Variants in MACROD2 observed in about 807,000 individuals in gnomAD.
MACROD2 encodes the protein mono-ADP ribosylhydrolase 2.
In MACROD2, 36 loss-of-function variants were observed where a neutral mutation model predicts 70.4. The ratio of observed to expected loss-of-function variants is 0.51; its 90% CI spans 0.39 to 0.68. The LOEUF is 0.68. Ranked by LOEUF, MACROD2 falls within the 30% of genes least tolerant of loss-of-function variation. The pLI, the probability that MACROD2 is intolerant of heterozygous loss-of-function variation, is 0.00. For synonymous variants in MACROD2, 172 were observed against 178.8 expected (o/e 0.96, Z 0.30); for missense variants, 496 against 538.4 (o/e 0.92, Z 0.78).
intron 3 of MACROD2, among the ~76,000 whole-genome samples, chr20:14,251,263 GA>G (rs1167438993): frequency 6.6e-6 from 1 of 151,962 alleles, no homozygotes; most frequent in Non-Finnish European, 1.5e-5. Context: ...TTTTCTCTTG[GA>G]AAACGTTCGA....
intron 4 of MACROD2, among the ~76,000 whole-genome samples, chr20:14,578,714 A>G (rs569441965): frequency 7.2e-5 from 11 of 152,306 alleles, no homozygotes; most frequent in African/African-American, 2.6e-4. Context: ...AGTTAGATTT[A>G]TTTTTTAAGT....
At chr20:14,807,173 G>A (rs1196682485) in intron 5 of MACROD2, among the ~76,000 whole-genome samples, 1 of 152,152 alleles carries the variant, frequency 6.6e-6, no homozygotes, top group East Asian at 1.9e-4. Flanking sequence ...GGGGTTGACA[G>A]ACACCTCACA....
chr20:14,904,094 A>C (rs1483780189), intron 5 of MACROD2, among the ~76,000 whole-genome samples: 3 of 152,170 alleles, frequency 2.0e-5, no homozygotes. Context: ...CTGTGATACC[A>C]TGTCTACATC....
intron 3 of MACROD2, among the ~76,000 whole-genome samples, chr20:14,213,929 G>A (rs2081592172): frequency 6.6e-6 from 1 of 152,084 alleles, no homozygotes; most frequent in Admixed American, 6.6e-5. Context: ...TGCATTTAAT[G>A]GGAATATGAT....
At chr20:14,008,329 C>T (rs1345614425) in intron 2 of MACROD2, among the ~76,000 whole-genome samples, 2 of 152,194 alleles carry the variant, frequency 1.3e-5, no homozygotes, top group South Asian at 2.1e-4. Context: ...ACACCAAAAA[C>T]AGGCAGGCCG....
chr20:14,529,362 C>CT (rs1335836467), intron 4 of MACROD2, among the ~76,000 whole-genome samples: 20 of 152,268 alleles, frequency 1.3e-4, no homozygotes, highest in African/African-American at 4.1e-4. Flanking sequence ...CCCTGCCACA[C>CT]TTAGTGTATT....
chr20:14,195,562 G>C (rs1160752195), intron 3 of MACROD2, among the ~76,000 whole-genome samples: 1 of 151,888 alleles, frequency 6.6e-6, no homozygotes, highest in East Asian at 1.9e-4. Context: ...CCCGCATCCT[G>C]TGCCTATAAA....
intron 8 of MACROD2, among the ~76,000 whole-genome samples, chr20:15,510,472 A>G (rs2047484220): frequency 6.6e-6 from 1 of 152,178 alleles, no homozygotes; most frequent in East Asian, 1.9e-4. Context: ...AAAAACAAAA[A>G]AGGCATTTCC....
At chr20:14,057,498 A>T (rs141374031) in intron 2 of MACROD2, among the ~76,000 whole-genome samples, 282 of 152,330 alleles carry the variant, frequency 1.9e-3, no homozygotes, top group African/African-American at 6.5e-3. Flanking sequence ...ATTAACACTC[A>T]GCAGAATGGC....
chr20:15,093,635 A>T (rs1312387726), intron 5 of MACROD2, among the ~76,000 whole-genome samples: 3 of 152,310 alleles, frequency 2.0e-5, no homozygotes, highest in South Asian at 2.1e-4. Context: ...AATTTTGAGG[A>T]ACACTGAATT....
chr20:14,547,962 G>C (rs1978379501), intron 4 of MACROD2, among the ~76,000 whole-genome samples: 1 of 152,158 alleles, frequency 6.6e-6, no homozygotes, highest in African/African-American at 2.4e-5. Flanking sequence ...GTCCTCCTGA[G>C]GGATAGAGTA....
At chr20:15,507,515 T>C (rs570191558) in intron 8 of MACROD2, among the ~76,000 whole-genome samples, 17 of 152,052 alleles carry the variant, frequency 1.1e-4, no homozygotes, top group African/African-American at 3.4e-4. Flanking sequence ...TCTCTTTTCT[T>C]TTTCTTTCTT....
chr20:14,924,300 G>A (rs952539119), intron 5 of MACROD2, among the ~76,000 whole-genome samples: 1 of 151,956 alleles, frequency 6.6e-6, no homozygotes, highest in South Asian at 2.1e-4. Context: ...TTAGCCTGGC[G>A]TGGTGGTACA....
Position 14,954,744 on chromosome 20 carries a change from T to TA in MACROD2, c.418+269785_418+269786insA, listed in dbSNP as rs372624645. 3.0e-4 allele frequency among the ~76,000 whole-genome samples: 31 copies of TA among 105,014 alleles called. 1 individual carries two copies. The highest frequency in any genetic ancestry group is 6.6e-4 in the South Asian group (2 of 3,020). The allele number at this position is 105,014 out of a possible 152,430, so 68.9% of individuals were successfully genotyped here. A position where few individuals can be genotyped will look rare whatever the true frequency, so the allele number is the denominator to read the frequency against. On this transcript the variant is annotated intron_variant, in intron 5 of 17. Coordinates refer to ENST00000684519, the MANE Select transcript of MACROD2 (RefSeq NM_001351661.2). The stretch of plus-strand genomic sequence containing the variant: ...AATGTATAAATATATAAATTATAAA[T>TA]TATAAATATATAAATAAATTTTATA...
intron 5 of MACROD2, among the ~76,000 whole-genome samples, chr20:14,715,879 G>A (rs1167494219): frequency 1.3e-5 from 2 of 152,084 alleles, no homozygotes; most frequent in East Asian, 3.9e-4. Context: ...TTTTGCTGCT[G>A]AAACAGAAAA....
intron 5 of MACROD2, among the ~76,000 whole-genome samples, chr20:15,211,475 G>A (rs1366902907): frequency 6.6e-6 from 1 of 152,148 alleles, no homozygotes; most frequent in Admixed American, 6.5e-5. Flanking sequence ...GGTGGGAGGT[G>A]TTTTGGTCAT....
chr20:14,721,844 C>G (rs1310991088), intron 5 of MACROD2, among the ~76,000 whole-genome samples: 4 of 152,184 alleles, frequency 2.6e-5, no homozygotes, highest in Non-Finnish European at 5.9e-5. Context: ...ACCTCCATGA[C>G]TTCCTTCATT....
chr20:15,298,233 G>C (rs922878480), intron 6 of MACROD2, among the ~76,000 whole-genome samples: 2 of 152,210 alleles, frequency 1.3e-5, no homozygotes, highest in African/African-American at 4.8e-5. Flanking sequence ...CTCTGGAACA[G>C]GGGTTGTGTG....
chr20:15,709,559 C>T (rs965876313), intron 8 of MACROD2, among the ~76,000 whole-genome samples: 47 of 152,184 alleles, frequency 3.1e-4, no homozygotes, highest in African/African-American at 7.2e-5. Context: ...TCCAGCTACT[C>T]GGGAAGCTGA....
Sources: gnomAD v4.1 joint callset for allele counts (sites outside exome capture counted in the v4.1 genomes callset) on GRCh38, gnomAD v4.1.1 for gene constraint, MANE v1.5 for transcripts, NCBI Gene and HGNC (gene_info 2026-07-23, HGNC 2026-07-21) for gene names.